Variants in AHNAK2 observed in about 807,000 individuals in gnomAD.
AHNAK2 encodes the protein AHNAK nucleoprotein 2.
Under a neutral mutation model 30.7 loss-of-function variants are expected in AHNAK2, and 18 were observed. The observed-to-expected ratio is 0.59, with a 90% CI of 0.41 to 0.87. The LOEUF is 0.87. Ranked by LOEUF, AHNAK2 falls within the 40% of genes least tolerant of loss-of-function variation. The pLI is 0.00. For synonymous variants in AHNAK2, 3,590 were observed against 3,073.8 expected (o/e 1.17, Z -5.56); for missense variants, 8,604 against 7,373.0 (o/e 1.17, Z -6.11).
At position 104,939,341 on chromosome 14, in the gene AHNAK2, C is replaced by T. The variant is rs541298808; in HGVS notation, c.16110G>A (p.Val5370=). Residue 5370 remains valine, a synonymous_variant, in exon 7 of 7, where the codon GTG becomes GTA. Transcript: ENST00000333244. ...SSTDMPSQIS[V]VNVDQLWEDS... is the part of the protein sequence containing the mutation. The stretch of plus-strand genomic sequence containing the variant: ...CTTCCCACAGTTGATCCACATTAAC[C>T]ACAGAAATCTGGGATGGCATATCAG... The T allele has an allele frequency of 6.2e-7, 1 of 1,613,706 alleles. No homozygotes were observed. The highest frequency in any genetic ancestry group is 2.2e-5 in the East Asian group (1 of 44,888).
In AHNAK2 at chr14:104,943,040, C is replaced by T. The variant is rs754438009; in HGVS notation, c.12411G>A (p.Lys4137=). Residue 4137 remains lysine (K), a synonymous_variant, in exon 7 of 7, where the codon AAG becomes AAA. Transcript: ENST00000333244. The part of the protein sequence containing the change: ...TAKDSKFKMP[K]FKMPSFGVSA... ...ACACCCCGAATGATGGCATCTTGAA[C>T]TTGGGCATTTTGAACTTGCTGTCTT... The T allele has an allele frequency of 3.1e-6, 5 of 1,613,008 alleles. No individual in the cohort carries two copies. Among genetic ancestry groups the T allele is most frequent in the South Asian group, 2.2e-5 (2 of 91,054 alleles).
In AHNAK2 at chr14:104,946,493, C is replaced by T. The variant is rs747428156; in HGVS notation, c.8958G>A (p.Pro2986=). Residue 2986 remains proline (P), a synonymous_variant, in exon 7 of 7, where the codon CCG becomes CCA. Coordinates refer to ENST00000333244, the MANE Select transcript of AHNAK2 (RefSeq NM_138420.4). The part of the protein sequence containing the change: ...SKFKMPKFKM[P]SFGVSAPGKS... ...TGCCTGGGGCAGACACCCCGAACGA[C>T]GGCATCTTGAACTTGGGCATTTTGA... 29 of 1,612,496 alleles carry T rather than the reference C, an allele frequency of 1.8e-5. 1 individual carries two copies. The highest frequency in any genetic ancestry group is 8.9e-5 in the East Asian group (4 of 44,704).
chr14:104,962,305 G>A (rs908213428), intron 1 of AHNAK2, among the ~76,000 whole-genome samples: 4 of 152,192 alleles, frequency 2.6e-5, no homozygotes, highest in African/African-American at 4.8e-5. Context: ...TCAGTCATCC[G>A]AGTTCTCTTC....
chr14:104,973,398 C>A (rs1446623059), intron 1 of AHNAK2, among the ~76,000 whole-genome samples: 1 of 152,174 alleles, frequency 6.6e-6, no homozygotes, highest in Non-Finnish European at 1.5e-5. Context: ...CACCAAGGAG[C>A]CCGCGGTGCT....
At position 104,948,374 on chromosome 14, in the gene AHNAK2, C is replaced by A; in HGVS notation, c.7077G>T (p.Gly2359=). The A allele has an allele frequency of 1.2e-6, 2 of 1,612,672 alleles. No homozygotes were observed. Among genetic ancestry groups the A allele is most frequent in the Non-Finnish European group, 1.7e-6 (2 of 1,179,544 alleles). ...CGCTGAGGTCAGTGGTCTTGAGGTC[C>A]CCCTGCATGGAGGGGAGGCTCACGT... The part of the protein sequence containing the change: ...EADVSLPSMQ[G]DLKTTDLSVQ... The change falls in exon 7 of 7, where the codon GGG becomes GGT. Residue 2359 remains glycine (G), a synonymous_variant. Transcript: ENST00000333244.
chr14:104,948,336 G>T lies in AHNAK2; in HGVS notation c.7115C>A (p.Ser2372Tyr), dbSNP rs751656550. The T allele has an allele frequency of 2.2e-5, 35 of 1,612,674 alleles. No homozygotes were observed. The highest frequency in any genetic ancestry group is 2.6e-5 in the Non-Finnish European group (31 of 1,179,604). ...GCCAGCCTGGACCTCCAGGTCAGCGGAAGGGGGCTGAACGCTGAGGTCAGT... is the reference window on the plus strand; with the variant it reads ...GCCAGCCTGGACCTCCAGGTCAGCGTAAGGGGGCTGAACGCTGAGGTCAGT... ...KTTDLSVQPP[S>Y]ADLEVQAGQV... Residue 2372 changes from serine to tyrosine, a missense_variant, in exon 7 of 7, where the codon TCC becomes TAC. By Grantham distance (144) the Ser-to-Tyr change is moderately radical. Transcript: ENST00000333244.
Position 104,953,516 on chromosome 14 carries a change from T to C in AHNAK2, c.1935A>G (p.Thr645=). 1 of 1,613,978 alleles carries C rather than the reference T, an allele frequency of 6.2e-7. No individual in the cohort carries two copies. Among genetic ancestry groups the C allele is most frequent in the Non-Finnish European group, 8.5e-7 (1 of 1,179,864 alleles). The change falls in exon 7 of 7, where the codon ACA becomes ACG. Residue 645 remains threonine (T), a synonymous_variant. Transcript: ENST00000333244. The part of the protein sequence containing the change: ...DKEDSDSMTN[T]TKIQLIHDEK... ...CATCGTGTATTAGTTGTATTTTTGT[T>C]GTGTTTGTCATTGAGTCACTGTCTT...
intron 1 of AHNAK2, among the ~76,000 whole-genome samples, chr14:104,968,634 C>T (rs1049878433): frequency 2.6e-5 from 4 of 152,180 alleles, no homozygotes; most frequent in Admixed American, 2.0e-4. Flanking sequence ...CCATCTCTGG[C>T]CTCCAGGTGG....
chr14:104,978,314 C>G lies in AHNAK2; in HGVS notation c.-77G>C, dbSNP rs1283660108. ...TCCCGGCTCCGGCGCACGGGGCGGG[C>G]GGGCGGGAGCCGCGCTCTGCCCCGC... On this transcript the variant is annotated 5_prime_UTR_variant, in exon 1 of 7. Transcript: ENST00000333244. 71 of 140,110 alleles carry G rather than the reference C, an allele frequency of 5.1e-4. No homozygotes were observed. The highest frequency in any genetic ancestry group is 8.6e-4 in the Non-Finnish European group (55 of 63,976). The allele number at this position is 140,110 out of a possible 1,614,324, so 8.7% of individuals were successfully genotyped here. A position where few individuals can be genotyped will look rare whatever the true frequency, so the allele number is the denominator to read the frequency against.
Position 104,952,992 on chromosome 14 carries a change from G to A in AHNAK2, c.2459C>T (p.Ser820Phe), listed in dbSNP as rs2140863207. The change falls in exon 7 of 7, where the codon TCC becomes TTC. Residue 820 changes from serine to phenylalanine, a missense_variant. Transcript: ENST00000333244. ...LDGARLEGDLSLADKEVTAKD... is the reference protein window; with the variant it reads ...LDGARLEGDLFLADKEVTAKD... ...GGCAGTCACCTCCTTGTCGGCCAGG[G>A]ACAGGTCCCCCTCCAGCCGCGCACC... 4 of 1,612,646 alleles carry A rather than the reference G, an allele frequency of 2.5e-6. No homozygotes were observed. The highest frequency in any genetic ancestry group is 1.1e-5 in the South Asian group (1 of 91,014).
chr14:104,969,476 GGCCA>G (rs1393827118), intron 1 of AHNAK2, among the ~76,000 whole-genome samples: 1 of 152,232 alleles, frequency 6.6e-6, no homozygotes, highest in African/African-American at 2.4e-5. Flanking sequence ...GACTGAGCTT[GGCCA>G]CCCTGCCATG....
rs376148895 is a variant in AHNAK2, at chr14:104,949,546, G to A, written c.5905C>T (p.Arg1969Trp). ...QAQKAKLDGA[R>W]LEGDLSLADK... Reference sequence around the variant, plus strand: ...GCCAGGGACAGGTCTCCCTCCAGCCGCGCACCATCCAGCTTAGCCTTCTGG... The same window carrying A: ...GCCAGGGACAGGTCTCCCTCCAGCCACGCACCATCCAGCTTAGCCTTCTGG... Residue 1969 changes from arginine to tryptophan, a missense_variant, in exon 7 of 7, where the codon CGG becomes TGG. Physicochemically the swap from Arg to Trp is moderately radical, Grantham distance 101. Transcript: ENST00000333244. 5.2e-5 allele frequency: 83 copies of A among 1,587,598 alleles called. 10 individuals carry two copies. The highest frequency in any genetic ancestry group is 4.7e-4 in the African/African-American group (34 of 72,854).
chr14:104,950,282 G>A lies in AHNAK2; in HGVS notation c.5169C>T (p.Asn1723=), dbSNP rs370109109. Residue 1723 remains asparagine (N), a synonymous_variant, in exon 7 of 7, where the codon AAC becomes AAT. Coordinates refer to ENST00000333244, the MANE Select transcript of AHNAK2 (RefSeq NM_138420.4). ...GAAGGGGGCCCTCCGGGAGTTTCACGTTCACTTGGCCAGCCTGGACCTCCA... is the reference window on the plus strand; with the variant it reads ...GAAGGGGGCCCTCCGGGAGTTTCACATTCACTTGGCCAGCCTGGACCTCCA... ...ADLEVQAGQV[N]VKLPEGPLPE... 90 of 1,585,066 alleles carry A rather than the reference G, an allele frequency of 5.7e-5. 12 individuals carry two copies. The highest frequency in any genetic ancestry group is 3.3e-4 in the Middle Eastern group (2 of 6,022).
chr14:104,955,011 A>T lies in AHNAK2; in HGVS notation c.597T>A (p.Asp199Glu). Residue 199 changes from aspartate to glutamate, a missense_variant, in exon 6 of 7, where the codon GAT (aspartate) becomes GAA (glutamate). Asp to Glu is a conservative substitution (Grantham distance 45). Transcript: ENST00000333244. Reference sequence around the variant, plus strand: ...GGGCATCGCTGGAAGCCCACTCTTCATCCTGTGGGGCAGGGAGCTGCCGTC... The same window carrying T: ...GGGCATCGCTGGAAGCCCACTCTTCTTCCTGTGGGGCAGGGAGCTGCCGTC... Reference protein sequence around the residue: ...KIRRQLPAPQDEEWASSDAQH... With the variant: ...KIRRQLPAPQEEEWASSDAQH... The T allele has an allele frequency of 6.2e-7, 1 of 1,613,686 alleles. No homozygotes were observed. Among genetic ancestry groups the T allele is most frequent in the Non-Finnish European group, 8.5e-7 (1 of 1,179,870 alleles).
At position 104,945,186 on chromosome 14, in the gene AHNAK2, A is replaced by C. The variant is rs375636600; in HGVS notation, c.10265T>G (p.Val3422Gly). Reference sequence around the variant, plus strand: ...AGGGACTGTCACTTCCGCCTTGGGGACTTTTAGGTCCAGCTTGGGGCCCTT... The same window carrying C: ...AGGGACTGTCACTTCCGCCTTGGGGCCTTTTAGGTCCAGCTTGGGGCCCTT... ...DIKGPKLDLK[V>G]PKAEVTVPDV... Residue 3422 changes from valine to glycine, a missense_variant, in exon 7 of 7, where the codon GTC (valine) becomes GGC (glycine). By Grantham distance (109) the Val-to-Gly change is moderately radical. Transcript: ENST00000333244. The C allele has an allele frequency of 1.7e-5, 27 of 1,608,984 alleles. No individual in the cohort carries two copies. Among genetic ancestry groups the C allele is most frequent in the Middle Eastern group, 1.7e-4 (1 of 6,038 alleles).
Position 104,948,731 on chromosome 14 carries a change from C to G in AHNAK2, c.6720G>C (p.Gln2240His), listed in dbSNP as rs1486888439. The G allele has an allele frequency of 2.5e-6, 4 of 1,611,506 alleles. No individual in the cohort carries two copies. The highest frequency in any genetic ancestry group is 4.5e-5 in the East Asian group (2 of 44,646). Reference sequence around the variant, plus strand: ...CTTTGGGCACCTTGAAACTGGGCATCTGCAGCTTGGGCAGGTGCCCTTTGA... The same window carrying G: ...CTTTGGGCACCTTGAAACTGGGCATGTGCAGCTTGGGCAGGTGCCCTTTGA... ...VGLKGHLPKL[Q>H]MPSFKVPKVD... is the part of the protein sequence containing the mutation. The change falls in exon 7 of 7, where the codon CAG becomes CAC. Residue 2240 changes from glutamine (Q) to histidine (H), a missense_variant. Physicochemically the swap from Gln to His is conservative, Grantham distance 24 (BLOSUM62 0). Coordinates refer to ENST00000333244, the MANE Select transcript of AHNAK2 (RefSeq NM_138420.4).
In AHNAK2 at chr14:104,943,749, A is replaced by G. The variant is rs369558280; in HGVS notation, c.11702T>C (p.Leu3901Pro). The change falls in exon 7 of 7, where the codon CTC becomes CCC. Residue 3901 changes from leucine to proline, a missense_variant. By Grantham distance (98) the Leu-to-Pro change is moderately conservative (BLOSUM62 -3). Transcript: ENST00000333244. ...MPSFKMPKVD[L>P]KGPEIDIKGP... ...CTTGATGTCTATTTCAGGGCCCTTG[A>G]GGTCGACTTTGGGCATCTTGAAACT... The G allele has an allele frequency of 3.7e-6, 6 of 1,612,148 alleles. No individual in the cohort carries two copies. The highest frequency in any genetic ancestry group is 1.7e-5 in the Admixed American group (1 of 59,802).
Position 104,950,505 on chromosome 14 carries a change from T to A in AHNAK2, c.4946A>T (p.Lys1649Met), listed in dbSNP as rs760817875. 4 of 1,586,888 alleles carry A rather than the reference T, an allele frequency of 2.5e-6. No individual in the cohort carries two copies. In the East Asian group the frequency reaches 6.8e-5, roughly 27 times the overall value. Residue 1649 changes from lysine to methionine, a missense_variant, in exon 7 of 7, where the codon AAG (lysine) becomes ATG (methionine). By Grantham distance (95) the Lys-to-Met change is moderately conservative. Transcript: ENST00000333244. The stretch of plus-strand genomic sequence containing the variant: ...CTTGCTGTCTTTGGCAGTCACCGCC[T>A]TGTCGGCCAGGGACAGGTCCCCCTC... ...QLEGDLSLAD[K>M]AVTAKDSKFK...
Position 104,941,552 on chromosome 14 carries a change from C to T in AHNAK2, c.13899G>A (p.Leu4633=). ...ACGACCATTCAAAACCAGACGTGCT[C>T]AGTTTTGGTCCTTGAAACTTACTGT... ...GKDSKFQGPK[L]STSGFEWSSK... The change falls in exon 7 of 7, where the codon CTG becomes CTA. Residue 4633 remains leucine (L), a synonymous_variant. Coordinates refer to ENST00000333244, the MANE Select transcript of AHNAK2 (RefSeq NM_138420.4). The T allele has an allele frequency of 6.2e-7, 1 of 1,613,144 alleles. No individual in the cohort carries two copies. The highest frequency in any genetic ancestry group is 8.5e-7 in the Non-Finnish European group (1 of 1,179,888).
Sources: gnomAD v4.1 joint callset for allele counts (sites outside exome capture counted in the v4.1 genomes callset) on GRCh38, gnomAD v4.1.1 for gene constraint, MANE v1.5 for transcripts, NCBI Gene and HGNC (gene_info 2026-07-23, HGNC 2026-07-21) for gene names.